Variants in CYP3A43 observed in about 807,000 individuals in gnomAD.
CYP3A43 encodes the protein cytochrome P450 3A43.
A neutral mutation model predicts 58.0 loss-of-function variants in CYP3A43; 45 were observed. That is an observed-to-expected ratio of 0.78 (90% CI 0.61 to 0.99). The LOEUF is 0.99. CYP3A43 is among the 50% of genes least tolerant of loss of function. CYP3A43 has a pLI of 0.00. For synonymous variants in CYP3A43, 191 were observed against 201.4 expected, an observed-to-expected ratio of 0.95 and a Z score of 0.44; for missense variants, 593 against 591.9, an observed-to-expected ratio of 1.00 and a Z score of -0.02.
chr7:99,839,966 A>T (rs1324441431), intron 3 of CYP3A43, among the ~76,000 whole-genome samples: 1 of 152,044 alleles, frequency 6.6e-6, no homozygotes, highest in Non-Finnish European at 1.5e-5. Flanking sequence ...TGCTTTTTTT[A>T]CTGTAAATGG....
intron 9 of CYP3A43, among the ~76,000 whole-genome samples, chr7:99,858,269 A>C (rs1818072806): frequency 6.6e-6 from 1 of 152,208 alleles, no homozygotes; most frequent in African/African-American, 2.4e-5. Flanking sequence ...CCACAACATC[A>C]TCATGAAAAT....
chr7:99,838,592 A>G, intron 2 of CYP3A43: 3 of 1,100,330 alleles, frequency 2.7e-6, no homozygotes, highest in Non-Finnish European at 3.6e-6. Flanking sequence ...GTCATTCAAT[A>G]TCTACACTAG....
intron 4 of CYP3A43, among the ~76,000 whole-genome samples, chr7:99,845,253 G>A (rs1161932311): frequency 2.0e-5 from 3 of 151,858 alleles, no homozygotes; most frequent in South Asian, 2.1e-4. Context: ...TCCCTCTATG[G>A]GGTTACTTTT....
Position 99,861,755 on chromosome 7 carries a change from A to G in CYP3A43, c.1169A>G (p.Lys390Arg). ...GAAATCAATGGAGTGTTCATTCCCA[A>G]AGGGTTAGCAGTGATGGTTCCAATC... is the stretch of plus-strand genomic sequence containing the variant. ...DIEINGVFIP[K>R]GLAVMVPIYA... is the part of the protein sequence containing the mutation. Residue 390 changes from lysine (K) to arginine (R), a missense_variant, in exon 11 of 13, where the codon AAA becomes AGA. Lys to Arg is a conservative substitution (Grantham distance 26, BLOSUM62 2). Coordinates refer to ENST00000354829, the MANE Select transcript of CYP3A43 (RefSeq NM_057095.3). 1 of 1,614,142 alleles carries G rather than the reference A, an allele frequency of 6.2e-7. No homozygotes were observed. Among genetic ancestry groups the G allele is most frequent in the Non-Finnish European group, 8.5e-7 (1 of 1,180,022 alleles).
intron 3 of CYP3A43, chr7:99,839,539 G>A: frequency 4.6e-6 from 2 of 437,896 alleles, no homozygotes; most frequent in South Asian, 1.8e-5. Context: ...TCATACATAA[G>A]CCACATTCCC....
At chr7:99,858,660 GTATTAT>G (rs150747464) in intron 9 of CYP3A43, among the ~76,000 whole-genome samples, 26,665 of 141,852 alleles carry the variant, frequency 0.19, 2,618 homozygotes, top group Middle Eastern at 0.22. Context: ...TCTTCCTGCT[GTATTAT>G]TATTATTATT....
At chr7:99,859,627 A>G (rs1010295119) in intron 9 of CYP3A43, among the ~76,000 whole-genome samples, 2 of 134,462 alleles carry the variant, frequency 1.5e-5, no homozygotes, top group African/African-American at 7.9e-5. Flanking sequence ...TAGACCCTGG[A>G]AAAAAAACTG....
chr7:99,865,808 T>C (rs921428226), intron 12 of CYP3A43, 98 bp from the exon 13 acceptor site: 3 of 781,014 alleles, frequency 3.8e-6, no homozygotes, highest in Non-Finnish European at 5.8e-6. Context: ...TTTTTAGTCA[T>C]TGCAAAGCAT....
chr7:99,851,615 A>C (rs191192980), intron 7 of CYP3A43, among the ~76,000 whole-genome samples: 1 of 152,328 alleles, frequency 6.6e-6, no homozygotes, highest in Admixed American at 6.5e-5. Flanking sequence ...TTTTGCCCAT[A>C]TACAGCTGAA....
intron 5 of CYP3A43, 64 bp from the exon 6 acceptor site, chr7:99,848,102 G>A (rs1817606566): frequency 4.0e-6 from 6 of 1,510,958 alleles, no homozygotes; most frequent in Non-Finnish European, 5.5e-6. Context: ...TCCATGCTGG[G>A]CAAAGCCATG....
chr7:99,858,799 T>A (rs1311541647), intron 9 of CYP3A43, among the ~76,000 whole-genome samples: 1 of 151,768 alleles, frequency 6.6e-6, no homozygotes, highest in African/African-American at 2.4e-5. Flanking sequence ...TTCAAGCAAT[T>A]CTCCTGCCTC....
At chr7:99,842,328 A>G (rs541978592) in intron 3 of CYP3A43, among the ~76,000 whole-genome samples, 4 of 152,316 alleles carry the variant, frequency 2.6e-5, no homozygotes, top group East Asian at 1.9e-4. Context: ...CCTGACTTCT[A>G]CCAATACTGA....
intron 5 of CYP3A43, chr7:99,847,840 C>CGT: frequency 9.3e-6 from 5 of 540,436 alleles, no homozygotes; most frequent in Non-Finnish European, 1.3e-5. Context: ...GGTGAAACCC[C>CGT]AACTCTACTA....
chr7:99,829,078 A>G (rs1179816705), intron 1 of CYP3A43, among the ~76,000 whole-genome samples: 1 of 152,176 alleles, frequency 6.6e-6, no homozygotes, highest in African/African-American at 2.4e-5. Context: ...AATGCTATTT[A>G]AGCTTTACTC....
At position 99,838,852 on chromosome 7, in the gene CYP3A43, C is replaced by T. The variant is rs1584204698; in HGVS notation, c.166-268C>T. ...AAAATTAGCTGGGTGTGGTGGCGGG[C>T]CCCCATAATCCCAGCTACTTGGGAG... On this transcript the variant is annotated intron_variant, in intron 2 of 12. Transcript: ENST00000354829. 4 of 527,650 alleles carry T rather than the reference C, an allele frequency of 7.6e-6. No homozygotes were observed. In the African/African-American group the frequency reaches 7.9e-5, roughly 10 times the overall value. The allele number at this position is 527,650 out of a possible 1,614,324, so 32.7% of individuals were successfully genotyped here.
rs752052905 is a variant in CYP3A43 at position 99,855,578 on chromosome 7, A to C, written c.671-13A>C. 6.3e-7 allele frequency: 1 copy of C among 1,578,458 alleles called. No homozygotes were observed. The highest frequency in any genetic ancestry group is 2.2e-5 in the East Asian group (1 of 44,634). On this transcript the variant is annotated splice_polypyrimidine_tract_variant and intron_variant, in intron 7 of 12. Transcript: ENST00000354829. ...TGATTTATTTTTTCTTTTTCTATTT[A>C]ATTTTCCTATAGCACTCTTTCCATT...
At chr7:99,835,860 G>A (rs1817053232) in intron 1 of CYP3A43, among the ~76,000 whole-genome samples, 1 of 152,162 alleles carries the variant, frequency 6.6e-6, no homozygotes, top group East Asian at 1.9e-4. Context: ...CTTCCTCTGG[G>A]CATAGACATT....
chr7:99,855,805 G>T, intron 8 of CYP3A43, 87 bp downstream of exon 8: 1 of 1,414,050 alleles, frequency 7.1e-7, no homozygotes, highest in Non-Finnish European at 9.5e-7. Flanking sequence ...ACTTATCTGT[G>T]TTTTTTAAAG....
chr7:99,855,754 T>C (rs1181140278), intron 8 of CYP3A43, 36 bp downstream of exon 8: 1 of 1,559,914 alleles, frequency 6.4e-7, no homozygotes, highest in Non-Finnish European at 8.7e-7. Context: ...GAATGTTCAC[T>C]TTTTTATTAT....
Sources: allele counts gnomAD v4.1 joint callset (sites outside exome capture counted in the v4.1 genomes callset), GRCh38; gene constraint gnomAD v4.1.1; transcripts MANE v1.5; gene names NCBI Gene and HGNC (gene_info 2026-07-23, HGNC 2026-07-21).